Variants in NOMO3 observed in about 807,000 individuals in gnomAD.
NOMO3 encodes the protein BOS complex subunit NOMO3.
A neutral mutation model predicts 69.9 loss-of-function variants in NOMO3; 15 were observed. The ratio of observed to expected loss-of-function variants is 0.21; its 90% CI spans 0.14 to 0.33. The LOEUF is 0.33. NOMO3 is among the 10% of genes least tolerant of loss of function. The pLI, the probability that NOMO3 is intolerant of heterozygous loss-of-function variation, is 1.00. For missense variants in NOMO3, 218 were observed against 761.0 expected (o/e 0.29, Z 8.39); for synonymous variants, 89 against 301.9 (o/e 0.29, Z 7.31).
intron 29 of NOMO3, chr16:16,288,618 C>CTG (rs2049691765): frequency 7.1e-4 from 1 of 1,402 alleles, no homozygotes; most frequent in Admixed American, 3.6e-3. Context: ...TGCAGGACAA[C>CTG]CACCTGGAGC....
rs561576174 is a variant in NOMO3, at chr16:16,257,641, A to AG, written c.1220+1490dup. Among the ~76,000 whole-genome samples, 15 of 140,710 alleles carry AG rather than the reference A, an allele frequency of 1.1e-4. 2 individuals carry two copies. Among genetic ancestry groups the AG allele is most frequent in the East Asian group, 4.6e-4 (2 of 4,354 alleles). 92.3% of individuals were successfully genotyped at this position (140,710 alleles called of 152,430 possible). On this transcript the variant is annotated intron_variant, in intron 11 of 30. Coordinates refer to ENST00000399336, the MANE Select transcript of NOMO3 (RefSeq NM_001004067.4). The stretch of plus-strand genomic sequence containing the variant: ...CCAAAAACAGAGTGCCAGGTGGCCC[A>AG]GGGGGGGACCTAGGGAGCCTGAGGT...
At chr16:16,265,637 G>GAT (rs1160088009) in intron 15 of NOMO3, among the ~76,000 whole-genome samples, 2,651 of 42,412 alleles carry the variant, frequency 0.063, 63 homozygotes, top group Non-Finnish European at 0.068. Context: ...GAGTTTCTCT[G>GAT]ATATATATAT....
In NOMO3 at chr16:16,263,079, G is replaced by C; in HGVS notation, c.1401G>C (p.Met467Ile). The part of the protein sequence containing the change: ...ANPGTYKVQV[M>I]VPEAETRAGL... ...TTCCATCCACGTTTCCGCAGGTGATGGTTCCTGAGGCAGAAACCAGAGCAG... is the reference window on the plus strand; with the variant it reads ...TTCCATCCACGTTTCCGCAGGTGATCGTTCCTGAGGCAGAAACCAGAGCAG... The change falls in exon 13 of 31, where the codon ATG becomes ATC. Residue 467 changes from methionine (M) to isoleucine (I), a missense_variant. Physicochemically the swap from Met to Ile is conservative, Grantham distance 10. Transcript: ENST00000399336. 1 of 1,595,664 alleles carries C rather than the reference G, an allele frequency of 6.3e-7. No individual in the cohort carries two copies. Among genetic ancestry groups the C allele is most frequent in the Non-Finnish European group, 8.5e-7 (1 of 1,178,172 alleles).
chr16:16,252,223 G>C (rs1412890615), intron 8 of NOMO3, 123 bp downstream of exon 8: 1 of 1,569,448 alleles, frequency 6.4e-7, no homozygotes, highest in Non-Finnish European at 8.6e-7. Flanking sequence ...ATGCTGTTAA[G>C]CAGTAACTTA....
At position 16,262,945 on chromosome 16, in the gene NOMO3, C is replaced by T. The variant is rs2049576753; in HGVS notation, c.1396-129C>T. On this transcript the variant is annotated intron_variant, in intron 12 of 30. Transcript: ENST00000399336. ...GGATTTGTTGTGATTGTAAAATCAG[C>T]CTGGAAACGAACCTTTGGCCTTCAA... The T allele has an allele frequency of 1.4e-6, 2 of 1,469,770 alleles. 1 individual carries two copies. The highest frequency in any genetic ancestry group is 4.3e-5 in the Admixed American group (2 of 46,376). The allele number at this position is 1,469,770 out of a possible 1,614,324, so 91.0% of individuals were successfully genotyped here.
chr16:16,237,751 T>C (rs1324688777), intron 2 of NOMO3, among the ~76,000 whole-genome samples: 2 of 144,178 alleles, frequency 1.4e-5, no homozygotes, highest in Admixed American at 6.7e-5. Context: ...GGTTTTGCCA[T>C]GTTGGCTAGG....
intron 14 of NOMO3, 65 bp from the exon 15 acceptor site, chr16:16,264,977 TG>T: frequency 9.4e-7 from 1 of 1,063,972 alleles, no homozygotes; most frequent in Non-Finnish European, 1.3e-6. Flanking sequence ...TCATTGTTTC[TG>T]GTGGCGTGCA....
intron 3 of NOMO3, among the ~76,000 whole-genome samples, chr16:16,242,862 A>G (rs1186804813): frequency 7.0e-6 from 1 of 143,186 alleles, no homozygotes; most frequent in Non-Finnish European, 1.5e-5. Context: ...CTGAATTTTC[A>G]CTGGAACTCT....
rs879961296 is a variant in NOMO3 at position 16,241,287 on chromosome 16, G to A, written c.301+1391G>A. ...TCATGCAGGGAACTTTTTAATATCC[G>A]GTTTCTTTCACTCAACATTATGAAC... On this transcript the variant is annotated intron_variant, in intron 3 of 30. Coordinates refer to ENST00000399336, the MANE Select transcript of NOMO3 (RefSeq NM_001004067.4). 7.6e-4 allele frequency among the ~76,000 whole-genome samples: 107 copies of A among 141,686 alleles called. 3 individuals carry two copies. Among genetic ancestry groups the A allele is most frequent in the Admixed American group, 2.3e-3 (33 of 14,464 alleles). The allele number at this position is 141,686 out of a possible 152,430, so 93.0% of individuals were successfully genotyped here. A position where few individuals can be genotyped will look rare whatever the true frequency, so the allele number is the denominator to read the frequency against.
At chr16:16,245,997 T>C (rs2049413217) in intron 5 of NOMO3, among the ~76,000 whole-genome samples, 1 of 92,940 alleles carries the variant, frequency 1.1e-5, no homozygotes, top group Middle Eastern at 4.1e-3. Flanking sequence ...CTGCCTGGCA[T>C]ATTAGCTCAA....
intron 15 of NOMO3, among the ~76,000 whole-genome samples, chr16:16,265,541 C>A (rs1234551792): frequency 7.5e-6 from 1 of 132,698 alleles, no homozygotes; most frequent in Admixed American, 7.4e-5. Context: ...ATCTTAATAC[C>A]TACTTCTCAG....
chr16:16,251,726 C>T (rs1279528763), intron 7 of NOMO3: 2 of 413,432 alleles, frequency 4.8e-6, no homozygotes, highest in Non-Finnish European at 8.3e-6. Flanking sequence ...GAATGGTGAC[C>T]CATGATAAGG....
intron 2 of NOMO3, among the ~76,000 whole-genome samples, chr16:16,238,321 C>T (rs1298861690): frequency 7.3e-6 from 1 of 137,592 alleles, no homozygotes; most frequent in Non-Finnish European, 1.5e-5. Context: ...CAACCTCTGC[C>T]TCCTGGGTTC....
intron 12 of NOMO3, among the ~76,000 whole-genome samples, chr16:16,262,751 G>A (rs570304420): frequency 4.3e-5 from 6 of 139,680 alleles, no homozygotes; most frequent in African/African-American, 1.8e-4. Context: ...ATCCGAAGCC[G>A]GGAAAAGTGA....
intron 2 of NOMO3, among the ~76,000 whole-genome samples, chr16:16,237,273 C>A (rs1220552326): frequency 1.4e-5 from 2 of 144,228 alleles, no homozygotes; most frequent in Non-Finnish European, 3.0e-5. Flanking sequence ...AGTGGCCAGG[C>A]GTGGAGCTAA....
intron 15 of NOMO3, among the ~76,000 whole-genome samples, chr16:16,265,466 A>G (rs2049604276): frequency 7.3e-6 from 1 of 137,928 alleles, no homozygotes; most frequent in Non-Finnish European, 1.5e-5. Flanking sequence ...TTATATTATT[A>G]GTAATAATAG....
intron 8 of NOMO3, 149 bp from the exon 9 acceptor site, chr16:16,252,284 T>G: frequency 6.6e-7 from 1 of 1,507,768 alleles, no homozygotes. Flanking sequence ...AGGGCAAGGC[T>G]TCCTCTTTTC....
intron 20 of NOMO3, among the ~76,000 whole-genome samples, chr16:16,274,599 C>T (rs370232849): frequency 0.089 from 103 of 1,156 alleles, 4 homozygotes; most frequent in African/African-American, 0.12. Context: ...ATGTGGTTCG[C>T]GTTTGGAAGC....
intron 1 of NOMO3, chr16:16,236,088 G>A (rs965410902): frequency 6.0e-5 from 10 of 166,500 alleles, no homozygotes; most frequent in Non-Finnish European, 7.4e-5. Context: ...CTTTTTCTTC[G>A]GAGAATGAAA....
Sources: allele counts gnomAD v4.1 joint callset (sites outside exome capture counted in the v4.1 genomes callset), GRCh38; gene constraint gnomAD v4.1.1; transcripts MANE v1.5; gene names NCBI Gene and HGNC (gene_info 2026-07-23, HGNC 2026-07-21).